Variants in ARHGAP23 observed in about 807,000 individuals in gnomAD.
The protein encoded by ARHGAP23 is Rho GTPase activating protein 23.
In ARHGAP23, 34 loss-of-function variants were observed where a neutral mutation model predicts 136.3. That is an observed-to-expected ratio of 0.25 (90% CI 0.19 to 0.33). ARHGAP23 has a LOEUF of 0.33. Among genes scored for constraint, ARHGAP23 ranks in the 10% least tolerant of loss-of-function variants. The pLI, the probability that ARHGAP23 is intolerant of heterozygous loss-of-function variation, is 1.00. For missense variants in ARHGAP23, 1,808 were observed against 2,139.0 expected (o/e 0.85, Z 3.05); for synonymous variants, 832 against 920.5 (o/e 0.90, Z 1.74).
At chr17:38,475,571 G>A (rs1037467577) in intron 11 of ARHGAP23, among the ~76,000 whole-genome samples, 2 of 152,244 alleles carry the variant, frequency 1.3e-5, no homozygotes, top group African/African-American at 4.8e-5. Flanking sequence ...GGGTCTCTTT[G>A]TCTGGTTTGT....
chr17:38,435,399 A>C (rs1182026754), intron 1 of ARHGAP23, among the ~76,000 whole-genome samples: 2 of 152,102 alleles, frequency 1.3e-5, no homozygotes, highest in African/African-American at 4.8e-5. Context: ...GAAAAGAGGG[A>C]GAGGAAGGAG....
intron 23 of ARHGAP23, among the ~76,000 whole-genome samples, chr17:38,508,642 A>T (rs1567833748): frequency 1.3e-5 from 2 of 152,150 alleles, no homozygotes; most frequent in Non-Finnish European, 2.9e-5. Flanking sequence ...GAGGGCCCAG[A>T]GAGGGCAGAA....
intron 6 of ARHGAP23, 36 bp from the exon 7 acceptor site, chr17:38,466,131 C>G: frequency 6.9e-7 from 1 of 1,440,264 alleles, no homozygotes; most frequent in South Asian, 1.4e-5. Context: ...TGGGACTTGT[C>G]TGGCCCTGCT....
chr17:38,464,506 C>T (rs2039536791), intron 6 of ARHGAP23, among the ~76,000 whole-genome samples: 1 of 152,230 alleles, frequency 6.6e-6, no homozygotes, highest in Admixed American at 6.5e-5. Flanking sequence ...AATCACAGTG[C>T]CATGCCTGGC....
At chr17:38,451,745 G>A (rs1390713250) in intron 1 of ARHGAP23, 1 of 152,476 alleles carries the variant, frequency 6.6e-6, no homozygotes, top group Non-Finnish European at 1.5e-5. Flanking sequence ...AGCTGGTCTA[G>A]GAGGGTCTGG....
At chr17:38,498,855 A>AC (rs1375603225) in intron 22 of ARHGAP23, 9 of 674,818 alleles carry the variant, frequency 1.3e-5, no homozygotes, top group South Asian at 7.8e-5. Context: ...TTCTCCTTGC[A>AC]CCCCCGCCTC....
chr17:38,432,936 T>C (rs1343241184), intron 1 of ARHGAP23, among the ~76,000 whole-genome samples: 1 of 152,160 alleles, frequency 6.6e-6, no homozygotes, highest in Non-Finnish European at 1.5e-5. Context: ...ACAAGTTACT[T>C]CATTGTTTTA....
At chr17:38,505,542 C>T (rs1249909102) in intron 23 of ARHGAP23, among the ~76,000 whole-genome samples, 1 of 152,148 alleles carries the variant, frequency 6.6e-6, no homozygotes, top group Non-Finnish European at 1.5e-5. Flanking sequence ...CTCCCCATGA[C>T]CCTGACCCTG....
intron 10 of ARHGAP23, among the ~76,000 whole-genome samples, chr17:38,470,181 CCT>C (rs1200441762): frequency 6.6e-6 from 1 of 152,210 alleles, no homozygotes; most frequent in Non-Finnish European, 1.5e-5. Flanking sequence ...TCACTTCTCC[CCT>C]GTCTTCGCGG....
Position 38,436,395 on chromosome 17 carries a change from C to A in ARHGAP23, c.63+7847C>A, listed in dbSNP as rs1294759569. Among the ~76,000 whole-genome samples the A allele has an allele frequency of 3.8e-5, 5 of 132,732 alleles. No individual in the cohort carries two copies. In the South Asian group the frequency reaches 7.5e-4, roughly 20 times the overall value. 87.1% of individuals were successfully genotyped at this position (132,732 alleles called of 152,430 possible). Reference sequence around the variant, plus strand: ...ATTCCCCTCAGCTACCCCTACCCCCCCAAAAAAAACGCTGAGGAGAGTGCC... The same window carrying A: ...ATTCCCCTCAGCTACCCCTACCCCCACAAAAAAAACGCTGAGGAGAGTGCC... On this transcript the variant is annotated intron_variant, in intron 1 of 23. Coordinates refer to ENST00000622683, the MANE Select transcript of ARHGAP23 (RefSeq NM_001199417.2).
chr17:38,509,755 G>C (rs556717590), intron 23 of ARHGAP23, among the ~76,000 whole-genome samples, 189 bp from the exon 24 acceptor site: 2 of 152,192 alleles, frequency 1.3e-5, no homozygotes, highest in Non-Finnish European at 2.9e-5. Flanking sequence ...TGGGCCAGCG[G>C]GGGTAGTCTC....
At chr17:38,478,410 T>C (rs1256746230) in intron 12 of ARHGAP23, among the ~76,000 whole-genome samples, 1 of 116,450 alleles carries the variant, frequency 8.6e-6, no homozygotes, top group Non-Finnish European at 1.7e-5. Flanking sequence ...GCAGGGATTT[T>C]GGGATAATTT....
chr17:38,423,288 G>T (rs1409335442), intron 1 of ARHGAP23, among the ~76,000 whole-genome samples: 1 of 151,844 alleles, frequency 6.6e-6, no homozygotes, highest in Non-Finnish European at 1.5e-5. Flanking sequence ...TGACTCCTGG[G>T]TTCAAGCGAT....
chr17:38,425,206 A>G (rs917273169), upstream of ARHGAP23, among the ~76,000 whole-genome samples: 3 of 151,712 alleles, frequency 2.0e-5, no homozygotes, highest in East Asian at 1.9e-4. Context: ...TCATCCCTCC[A>G]TGCTTCCTGC....
intron 23 of ARHGAP23, among the ~76,000 whole-genome samples, chr17:38,507,276 A>AAATAATAATAATAATGAT (rs1555599770): frequency 3.7e-5 from 5 of 136,670 alleles, no homozygotes; most frequent in African/African-American, 1.1e-4. Flanking sequence ...CTCCGTCTCA[A>AAATAATAATAATAATGAT]AATAATAATA....
At chr17:38,446,608 AATTT>A (rs2039040085) in intron 1 of ARHGAP23, among the ~76,000 whole-genome samples, 1 of 140,052 alleles carries the variant, frequency 7.1e-6, no homozygotes, top group Admixed American at 7.0e-5. Context: ...TTCTGTGTTT[AATTT>A]TTTTTTTTTT....
intron 14 of ARHGAP23, among the ~76,000 whole-genome samples, chr17:38,480,528 G>A (rs1395166919): frequency 6.6e-6 from 1 of 152,014 alleles, no homozygotes; most frequent in African/African-American, 2.4e-5. Flanking sequence ...CAGCTACTCA[G>A]GAGGCTGAGG....
intron 6 of ARHGAP23, 48 bp downstream of exon 6, chr17:38,463,430 CA>C (rs751844423): frequency 6.5e-7 from 1 of 1,540,904 alleles, no homozygotes. Flanking sequence ...AGCCCTGGGG[CA>C]GCACCGGCTC....
chr17:38,480,737 G>A (rs2040018055), intron 14 of ARHGAP23, among the ~76,000 whole-genome samples: 1 of 150,138 alleles, frequency 6.7e-6, no homozygotes, highest in African/African-American at 2.5e-5. Flanking sequence ...CTGGGAGGTG[G>A]AGGTTGCAGT....
Sources: gnomAD v4.1 joint callset for allele counts (sites outside exome capture counted in the v4.1 genomes callset) on GRCh38, gnomAD v4.1.1 for gene constraint, MANE v1.5 for transcripts, NCBI Gene and HGNC (gene_info 2026-07-23, HGNC 2026-07-21) for gene names.